The following ANKS1B variants were observed in gnomAD, a reference collection of about 807,000 sequenced individuals.
The protein encoded by ANKS1B is ankyrin repeat and sterile alpha motif domain containing 1B.
Under a neutral mutation model 148.3 loss-of-function variants are expected in ANKS1B, and 36 were observed. The observed-to-expected ratio is 0.24, with a 90% CI of 0.19 to 0.32. ANKS1B has a LOEUF of 0.32. ANKS1B is among the 10% of genes least tolerant of loss of function. The pLI is 1.00. For synonymous variants in ANKS1B, 542 were observed against 560.8 expected, an observed-to-expected ratio of 0.97 and a Z score of 0.47; for missense variants, 1,157 against 1,542.6, an observed-to-expected ratio of 0.75 and a Z score of 4.19.
At chr12:99,234,108 A>T (rs574144838) in intron 14 of ANKS1B, among the ~76,000 whole-genome samples, 69 of 152,260 alleles carry the variant, frequency 4.5e-4, no homozygotes, top group African/African-American at 1.6e-3. Flanking sequence ...GCTCTGTTAG[A>T]GCTAGGCATA....
chr12:99,656,296 C>T (rs1410284166), intron 8 of ANKS1B, among the ~76,000 whole-genome samples: 1 of 151,964 alleles, frequency 6.6e-6, no homozygotes, highest in Non-Finnish European at 1.5e-5. Context: ...AGAAACAGAC[C>T]TCCTAAGAAA....
At chr12:99,818,486 T>C (rs1256081769) in intron 2 of ANKS1B, among the ~76,000 whole-genome samples, 3 of 151,848 alleles carry the variant, frequency 2.0e-5, no homozygotes, top group Non-Finnish European at 4.4e-5. Flanking sequence ...AAAAGAAATA[T>C]TAAGTTACAT....
intron 10 of ANKS1B, among the ~76,000 whole-genome samples, chr12:99,445,577 A>G (rs992943451): frequency 6.6e-6 from 1 of 152,034 alleles, no homozygotes; most frequent in Non-Finnish European, 1.5e-5. Flanking sequence ...CAGAATGTTG[A>G]TAGTAGAGGA....
intron 1 of ANKS1B, among the ~76,000 whole-genome samples, chr12:99,910,936 G>T (rs960411463): frequency 1.3e-5 from 2 of 152,094 alleles, no homozygotes; most frequent in African/African-American, 4.8e-5. Context: ...TACTCATTTA[G>T]TTCATACTAT....
chr12:99,364,376 C>T (rs1303350225), intron 12 of ANKS1B, among the ~76,000 whole-genome samples: 4 of 152,126 alleles, frequency 2.6e-5, no homozygotes, highest in African/African-American at 9.7e-5. Flanking sequence ...GAAACCATAC[C>T]TTCATGTTCC....
chr12:98,965,340 C>T (rs982951359), intron 17 of ANKS1B, among the ~76,000 whole-genome samples: 3 of 152,158 alleles, frequency 2.0e-5, no homozygotes, highest in Non-Finnish European at 4.4e-5. Flanking sequence ...ATGTTTGTTG[C>T]AAGAATTTAC....
chr12:99,290,095 T>C (rs542719926), intron 12 of ANKS1B, among the ~76,000 whole-genome samples: 1 of 151,880 alleles, frequency 6.6e-6, no homozygotes, highest in African/African-American at 2.4e-5. Context: ...CTACAACTGA[T>C]ACTCCAGAAA....
At chr12:99,273,961 A>G (rs897838188) in intron 12 of ANKS1B, among the ~76,000 whole-genome samples, 2 of 152,028 alleles carry the variant, frequency 1.3e-5, no homozygotes, top group African/African-American at 4.8e-5. Flanking sequence ...TCTTTGTCCA[A>G]TGTGTCCCAG....
intron 17 of ANKS1B, among the ~76,000 whole-genome samples, chr12:99,024,875 CTA>C (rs1443344255): frequency 6.6e-6 from 1 of 152,180 alleles, no homozygotes; most frequent in Non-Finnish European, 1.5e-5. Context: ...CAATTAGGGA[CTA>C]TCTCTATAGT....
At chr12:98,750,078 A>T (rs966805178) in intron 26 of ANKS1B, among the ~76,000 whole-genome samples, 4 of 152,060 alleles carry the variant, frequency 2.6e-5, no homozygotes, top group Non-Finnish European at 5.9e-5. Flanking sequence ...TAAGTTTCAG[A>T]TGTCTGTGAA....
intron 14 of ANKS1B, among the ~76,000 whole-genome samples, chr12:99,240,818 A>G (rs2089156793): frequency 6.6e-6 from 1 of 152,222 alleles, no homozygotes; most frequent in African/African-American, 2.4e-5. Flanking sequence ...AACAAAATGA[A>G]GGCAGAAATA....
At chr12:99,006,596 T>C (rs981763648) in intron 17 of ANKS1B, among the ~76,000 whole-genome samples, 1 of 152,230 alleles carries the variant, frequency 6.6e-6, no homozygotes. Context: ...CTCAGGACCC[T>C]TTCCCTCTTG....
intron 4 of ANKS1B, among the ~76,000 whole-genome samples, chr12:99,796,081 T>G (rs1442374061): frequency 6.6e-6 from 1 of 152,016 alleles, no homozygotes; most frequent in Non-Finnish European, 1.5e-5. Flanking sequence ...ACTGCTCTTG[T>G]GCTTTGGGGC....
At chr12:99,160,205 C>T (rs977387150) in intron 14 of ANKS1B, among the ~76,000 whole-genome samples, 3 of 152,138 alleles carry the variant, frequency 2.0e-5, no homozygotes, top group African/African-American at 4.8e-5. Context: ...ATTTCTTTTG[C>T]TGTGCAGAAG....
At chr12:99,757,119 G>T (rs1048747619) in intron 8 of ANKS1B, among the ~76,000 whole-genome samples, 2 of 151,918 alleles carry the variant, frequency 1.3e-5, no homozygotes, top group African/African-American at 4.8e-5. Context: ...TTAAACTAAA[G>T]ACTTCTGCAC....
At chr12:99,579,592 G>C (rs2097550876) in intron 9 of ANKS1B, among the ~76,000 whole-genome samples, 1 of 152,126 alleles carries the variant, frequency 6.6e-6, no homozygotes, top group Non-Finnish European at 1.5e-5. Context: ...ACAATCACAT[G>C]AAAGAATGCT....
intron 9 of ANKS1B, among the ~76,000 whole-genome samples, chr12:99,537,676 GT>G (rs1289789472): frequency 1.3e-5 from 2 of 152,134 alleles, no homozygotes; most frequent in African/African-American, 4.8e-5. Context: ...CAAATGAGTA[GT>G]TTGCAAATAT....
chr12:98,838,758 T>C (rs192722309), intron 17 of ANKS1B, among the ~76,000 whole-genome samples: 10 of 152,244 alleles, frequency 6.6e-5, no homozygotes, highest in Admixed American at 2.0e-4. Flanking sequence ...GGCTTCAGAG[T>C]AGCCTCTTCT....
intron 10 of ANKS1B, among the ~76,000 whole-genome samples, chr12:99,444,483 A>G (rs925415899): frequency 6.6e-6 from 1 of 152,046 alleles, no homozygotes; most frequent in Non-Finnish European, 1.5e-5. Context: ...AGGGGGGAAT[A>G]AAGAAAAGAT....
Sources: allele counts gnomAD v4.1 joint callset (sites outside exome capture counted in the v4.1 genomes callset), GRCh38; gene constraint gnomAD v4.1.1; transcripts MANE v1.5; gene names NCBI Gene and HGNC (gene_info 2026-07-23, HGNC 2026-07-21).